LRRC41: variants seen among roughly 807,000 people sequenced by gnomAD.
LRRC41 encodes leucine rich repeat containing 41.
Under a neutral mutation model 72.1 loss-of-function variants are expected in LRRC41, and 17 were observed. That is an observed-to-expected ratio of 0.24 (90% CI 0.16 to 0.35). The LOEUF (loss-of-function observed/expected upper bound fraction) is 0.35. LRRC41 is among the 10% of genes least tolerant of loss of function. LRRC41 has a pLI of 1.00. For missense variants in LRRC41, 759 were observed against 1,065.0 expected (o/e 0.71, Z 4.00); for synonymous variants, 427 against 431.0 (o/e 0.99, Z 0.11).
rs1660712323 is a variant in LRRC41, at chr1:46,279,152, A to G, written c.2219+30T>C. On this transcript the variant is annotated intron_variant, in intron 9 of 9. Transcript: ENST00000617190. The surrounding 1 kb of genome is among the most constrained non-coding windows in gnomAD (Gnocchi z 4.5). ...TCCTGGTCTATATCTCTGTAGCCCC[A>G]TCCCTTGTCTTGCCCCTCCCCTCAT... The G allele has an allele frequency of 6.8e-6, 11 of 1,613,100 alleles. No individual in the cohort carries two copies. Among genetic ancestry groups the G allele is most frequent in the Non-Finnish European group, 9.3e-6 (11 of 1,179,146 alleles).
chr1:46,301,470 G>A (rs1229132505), intron 1 of LRRC41, among the ~76,000 whole-genome samples: 1 of 152,020 alleles, frequency 6.6e-6, no homozygotes, highest in Non-Finnish European at 1.5e-5. Context: ...GCCGCTGGCT[G>A]GCCTGGGGCC....
Position 46,285,972 on chromosome 1 carries a change from C to T in LRRC41, c.885G>A (p.Glu295=). The T allele has an allele frequency of 2.6e-6, 4 of 1,543,092 alleles. No homozygotes were observed. The South Asian group carries it at 5.0e-5, about 19-fold the overall frequency. Residue 295 remains glutamate, a synonymous_variant, in exon 4 of 10, where the codon GAG becomes GAA. Coordinates refer to ENST00000617190, the MANE Select transcript of LRRC41 (RefSeq NM_006369.5). The surrounding 1 kb of genome is among the most constrained non-coding windows in gnomAD (Gnocchi z 5.3). ...TGGCCATCAGGGCTGCAGCACATCG[C>T]TCAGCAGCATCCCGGCGGGGCCGAC... ...GSRRPRRDAA[E]RCAAALMASR...
chr1:46,302,611 G>A lies in LRRC41; in HGVS notation c.199+513C>T. The stretch of plus-strand genomic sequence containing the variant: ...CCCTCCGCCCATCGGCTTGGCCTCC[G>A]GAATCTCGACCCCCGTGGCGTGTCA... On this transcript the variant is annotated intron_variant, in intron 1 of 9. Coordinates refer to ENST00000617190, the MANE Select transcript of LRRC41 (RefSeq NM_006369.5). This position sits in a 1 kb window ranked among gnomAD's most constrained non-coding sequence, Gnocchi z 4.7. 1.0e-6 allele frequency: 1 copy of A among 985,278 alleles called. No homozygotes were observed. 61.0% of individuals were successfully genotyped at this position (985,278 alleles called of 1,614,324 possible).
chr1:46,286,041 G>A lies in LRRC41; in HGVS notation c.816C>T (p.Gly272=). The change falls in exon 4 of 10, where the codon GGC becomes GGT. Residue 272 remains glycine, a synonymous_variant. Transcript: ENST00000617190. The surrounding 1 kb of genome is among the most constrained non-coding windows in gnomAD (Gnocchi z 5.5). ...ACCCTTCATCTCGGGATGGGGCCCGGCCTCGGGAGGCCTCTCCACAGAGGC... is the reference window on the plus strand; with the variant it reads ...ACCCTTCATCTCGGGATGGGGCCCGACCTCGGGAGGCCTCTCCACAGAGGC... ...PCRLCGEASR[G]RAPSRDEGSL... 6.3e-7 allele frequency: 1 copy of A among 1,593,508 alleles called. No homozygotes were observed. Among genetic ancestry groups the A allele is most frequent in the Non-Finnish European group, 8.6e-7 (1 of 1,168,288 alleles).
Position 46,279,695 on chromosome 1 carries a change from G to A in LRRC41, c.2021-81C>T. ...CTCCTGCCCCAGTTGGCCCTAGCAAGGGGTATTAACATTATAGAGGCCCAA... is the reference window on the plus strand; with the variant it reads ...CTCCTGCCCCAGTTGGCCCTAGCAAAGGGTATTAACATTATAGAGGCCCAA... On this transcript the variant is annotated intron_variant, in intron 7 of 9. Transcript: ENST00000617190. The surrounding 1 kb of genome is among the most constrained non-coding windows in gnomAD (Gnocchi z 4.5). The A allele has an allele frequency of 1.3e-6, 2 of 1,565,250 alleles. No individual in the cohort carries two copies. The highest frequency in any genetic ancestry group is 1.8e-6 in the Non-Finnish European group (2 of 1,142,128).
Position 46,302,470 on chromosome 1 carries a change from C to T in LRRC41, c.199+654G>A, listed in dbSNP as rs955924031. The T allele has an allele frequency of 1.8e-5, 18 of 985,424 alleles. No individual in the cohort carries two copies. The highest frequency in any genetic ancestry group is 4.7e-5 in the South Asian group (1 of 21,280). 61.0% of individuals were successfully genotyped at this position (985,424 alleles called of 1,614,324 possible). A position where few individuals can be genotyped will look rare whatever the true frequency, so the allele number is the denominator to read the frequency against. ...CTTAGTCAGTTTGGCACCCGAGACC[C>T]CGGTTGTCGGTTCGCTCCCGTCAGC... On this transcript the variant is annotated intron_variant, in intron 1 of 9. Transcript: ENST00000617190. The surrounding 1 kb of genome is among the most constrained non-coding windows in gnomAD (Gnocchi z 4.7).
intron 3 of LRRC41, among the ~76,000 whole-genome samples, chr1:46,292,671 T>C (rs527429992): frequency 4.6e-5 from 7 of 152,362 alleles, no homozygotes; most frequent in Non-Finnish European, 1.0e-4. Context: ...TCCTTACTCA[T>C]TTTATTTTAC....
At position 46,285,811 on chromosome 1, in the gene LRRC41, T is replaced by C. The variant is rs958725893; in HGVS notation, c.1046A>G (p.His349Arg). 1 of 1,595,278 alleles carries C rather than the reference T, an allele frequency of 6.3e-7. No homozygotes were observed. The highest frequency in any genetic ancestry group is 1.3e-5 in the African/African-American group (1 of 74,150). Residue 349 changes from histidine (H) to arginine (R), a missense_variant, in exon 4 of 10, where the codon CAT (histidine) becomes CGT (arginine). Transcript: ENST00000617190. The surrounding 1 kb of genome is among the most constrained non-coding windows in gnomAD (Gnocchi z 5.3). ...KRELHPPATSHEAPGTKRSPS... is the reference protein window; with the variant it reads ...KRELHPPATSREAPGTKRSPS... ...TGACCGCTTGGTGCCAGGAGCCTCA[T>C]GGGAGGTGGCTGGGGGGTGCAGCTC... is the stretch of plus-strand genomic sequence containing the variant.
In LRRC41 at chr1:46,302,367, G is replaced by C; in HGVS notation, c.199+757C>G. Reference sequence around the variant, plus strand: ...CCGGGCCCCCCTCCACTCGCTCTCCGGTCCCTCCTCGCCGCTCGAGCCGAT... The same window carrying C: ...CCGGGCCCCCCTCCACTCGCTCTCCCGTCCCTCCTCGCCGCTCGAGCCGAT... On this transcript the variant is annotated intron_variant, in intron 1 of 9. Transcript: ENST00000617190. This position sits in a 1 kb window ranked among gnomAD's most constrained non-coding sequence, Gnocchi z 4.7. 1.0e-6 allele frequency: 1 copy of C among 985,276 alleles called. No individual in the cohort carries two copies. Among genetic ancestry groups the C allele is most frequent in the Non-Finnish European group, 1.2e-6 (1 of 829,888 alleles). The allele number at this position is 985,276 out of a possible 1,614,324, so 61.0% of individuals were successfully genotyped here. A position where few individuals can be genotyped will look rare whatever the true frequency, so the allele number is the denominator to read the frequency against.
At chr1:46,298,186 C>CGAAGTTCT in intron 2 of LRRC41, 98 bp downstream of exon 2, 1 of 855,014 alleles carries the variant, frequency 1.2e-6, no homozygotes, top group Non-Finnish European at 1.8e-6. Context: ...TTGAAAAGCA[C>CGAAGTTCT]GAAGTTCTAG....
rs769405809 is a variant in LRRC41, at chr1:46,279,778, A to G, written c.2021-164T>C. Among the ~76,000 whole-genome samples the G allele has an allele frequency of 9.2e-5, 14 of 152,180 alleles. No individual in the cohort carries two copies. Among genetic ancestry groups the G allele is most frequent in the Non-Finnish European group, 1.8e-4 (12 of 68,028 alleles). On this transcript the variant is annotated intron_variant, in intron 7 of 9. Coordinates refer to ENST00000617190, the MANE Select transcript of LRRC41 (RefSeq NM_006369.5). The surrounding 1 kb of genome is among the most constrained non-coding windows in gnomAD (Gnocchi z 4.5). ...AGGCTGGAACTAAATCAGAATCCAA[A>G]CTAAAGACTGAACCTAAATGTTCCC...
intron 4 of LRRC41, among the ~76,000 whole-genome samples, chr1:46,284,734 A>G (rs983848469): frequency 1.3e-5 from 2 of 151,962 alleles, no homozygotes; most frequent in Admixed American, 6.6e-5. Flanking sequence ...GGAAAAGGAG[A>G]GTTTGGAAGT....
At chr1:46,297,701 G>T in intron 2 of LRRC41, 68 bp from the exon 3 acceptor site, 1 of 1,163,978 alleles carries the variant, frequency 8.6e-7, no homozygotes, top group Non-Finnish European at 1.3e-6. Context: ...AACCTTTCAT[G>T]TTGTCTTCTG....
At position 46,281,093 on chromosome 1, in the gene LRRC41, GCACACACACAAA is replaced by G. The variant is rs1557712686; in HGVS notation, c.1756+20_1756+31del. On this transcript the variant is annotated intron_variant, in intron 5 of 9. Transcript: ENST00000617190. ...CCTTTGTGTGGGGATACACGTGCGT[GCACACACACAAA>G]CACACACACAGTGCTTCACCTGGTA... is the stretch of plus-strand genomic sequence containing the variant. The G allele has an allele frequency of 4.3e-6, 7 of 1,609,340 alleles. No individual in the cohort carries two copies. The highest frequency in any genetic ancestry group is 2.2e-5 in the East Asian group (1 of 44,836).
chr1:46,303,405 G>T lies in LRRC41; in HGVS notation c.-83C>A. ...CAGCAGTTAGGACGGCTCCATAAGC[G>T]ATATGGGGAAGAATGTGAATTATTC... On this transcript the variant is annotated 5_prime_UTR_variant, in exon 1 of 10. Coordinates refer to ENST00000617190, the MANE Select transcript of LRRC41 (RefSeq NM_006369.5). The T allele has an allele frequency of 8.1e-7, 1 of 1,232,194 alleles. No homozygotes were observed. Among genetic ancestry groups the T allele is most frequent in the Non-Finnish European group, 1.1e-6 (1 of 915,686 alleles). 76.3% of individuals were successfully genotyped at this position (1,232,194 alleles called of 1,614,324 possible).
Position 46,280,484 on chromosome 1 carries a change from C to T in LRRC41, c.1833G>A (p.Lys611=). The T allele has an allele frequency of 6.2e-7, 1 of 1,614,192 alleles. No homozygotes were observed. The highest frequency in any genetic ancestry group is 8.5e-7 in the Non-Finnish European group (1 of 1,180,026). ...ACAGCTGCTGCAGAGAACCCGAGGC[C>T]TTCAGAACGGAGCACAGCAGTGGGG... ...QPAPLLCSVL[K]ASGSLQQLSL... is the part of the protein sequence containing the mutation. Residue 611 remains lysine, a synonymous_variant, in exon 6 of 10, where the codon AAG becomes AAA. Coordinates refer to ENST00000617190, the MANE Select transcript of LRRC41 (RefSeq NM_006369.5).
intron 7 of LRRC41, 70 bp downstream of exon 7, chr1:46,280,122 G>T: frequency 8.7e-7 from 1 of 1,153,832 alleles, no homozygotes; most frequent in Non-Finnish European, 1.3e-6. Context: ...ACAGTGGTTT[G>T]CTCACTCAGA....
chr1:46,295,383 C>T (rs1661101634), intron 3 of LRRC41, among the ~76,000 whole-genome samples: 1 of 152,180 alleles, frequency 6.6e-6, no homozygotes, highest in Non-Finnish European at 1.5e-5. Context: ...TTATATACCC[C>T]AGTACTACAC....
At position 46,285,292 on chromosome 1, in the gene LRRC41, C is replaced by A; in HGVS notation, c.1495+70G>T. On this transcript the variant is annotated intron_variant, in intron 4 of 9. Transcript: ENST00000617190. This position sits in a 1 kb window ranked among gnomAD's most constrained non-coding sequence, Gnocchi z 5.3. ...CCCCCAATTTGCCCCTCCCACCTCC[C>A]TAGAATTAGGCACACAGCTGGTGCT... The A allele has an allele frequency of 6.5e-7, 1 of 1,548,796 alleles. No individual in the cohort carries two copies. The highest frequency in any genetic ancestry group is 1.2e-5 in the South Asian group (1 of 85,292).
Sources: allele counts gnomAD v4.1 joint callset (sites outside exome capture counted in the v4.1 genomes callset), GRCh38; gene constraint gnomAD v4.1.1; non-coding constraint Gnocchi (gnomAD v3.1); transcripts MANE v1.5; gene names NCBI Gene and HGNC (gene_info 2026-07-23, HGNC 2026-07-21).